Variants in ZNF99 observed in about 807,000 individuals in gnomAD.
ZNF99 encodes the protein zinc finger protein ENSP00000375192.
ZNF99 carries 8 observed loss-of-function variants against 12.8 expected under a neutral mutation model. The ratio of observed to expected loss-of-function variants is 0.62; its 90% CI spans 0.37 to 1.13. The LOEUF (loss-of-function observed/expected upper bound fraction) is 1.13, where lower values mean the gene tolerates loss of function less well. ZNF99 is among the 50% of genes most tolerant of loss of function. ZNF99 has a pLI of 0.02. For missense variants in ZNF99, 1,007 were observed against 1,006.2 expected (o/e 1.00, Z -0.01); for synonymous variants, 318 against 319.0 (o/e 1.00, Z 0.03).
At position 22,753,011 on chromosome 19, in the gene ZNF99, CTAA is replaced by C. The variant is rs1246713921; in HGVS notation, c.*4300_*4302del. 1 of 151,962 alleles carries C rather than the reference CTAA, an allele frequency of 6.6e-6. No homozygotes were observed. Among genetic ancestry groups the C allele is most frequent in the African/African-American group, 2.4e-5 (1 of 41,384 alleles). 9.4% of individuals were successfully genotyped at this position (151,962 alleles called of 1,614,324 possible). On this transcript the variant is annotated 3_prime_UTR_variant, in exon 4 of 4. Coordinates refer to ENST00000596209, the MANE Select transcript of ZNF99 (RefSeq NM_001080409.3). Reference sequence around the variant, plus strand: ...GAAAAAGGTCATAAATAATGCCCATCTAATAAAAAAGAATCTTTCATATCTCTG... The same window carrying C: ...GAAAAAGGTCATAAATAATGCCCATCTAAAAAAGAATCTTTCATATCTCTG...
intron 1 of ZNF99, among the ~76,000 whole-genome samples, chr19:22,781,957 A>C (rs1973392614): frequency 6.6e-6 from 1 of 152,184 alleles, no homozygotes; most frequent in Admixed American, 6.5e-5. Context: ...AGGAGGAAAA[A>C]AAAAAAGCGG....
chr19:22,771,354 C>G (rs1380008019), intron 1 of ZNF99, among the ~76,000 whole-genome samples: 1 of 137,938 alleles, frequency 7.2e-6, no homozygotes, highest in Admixed American at 8.2e-5. Context: ...CTCACGGATT[C>G]ACGCCATTCT....
intron 1 of ZNF99, chr19:22,770,025 A>C (rs1973249595): frequency 7.6e-7 from 1 of 1,322,350 alleles, no homozygotes; most frequent in Non-Finnish European, 1.0e-6. Context: ...GTGTACAATT[A>C]ACTGGAGATC....
At position 22,754,798 on chromosome 19, in the gene ZNF99, G is replaced by C. The variant is rs948923184; in HGVS notation, c.*2516C>G. The C allele has an allele frequency of 5.0e-6, 1 of 199,466 alleles. No homozygotes were observed. The highest frequency in any genetic ancestry group is 1.0e-5 in the Non-Finnish European group (1 of 97,620). The allele number at this position is 199,466 out of a possible 1,614,324, so 12.4% of individuals were successfully genotyped here. ...AGAATTGAAGAATTAGGCTGGGCAC[G>C]GTGGCTCACGCCTTTAATCCCAGCA... On this transcript the variant is annotated 3_prime_UTR_variant, in exon 4 of 4. Coordinates refer to ENST00000596209, the MANE Select transcript of ZNF99 (RefSeq NM_001080409.3).
chr19:22,766,231 C>T (rs1973202164), intron 3 of ZNF99, among the ~76,000 whole-genome samples: 1 of 145,122 alleles, frequency 6.9e-6, no homozygotes, highest in Admixed American at 6.8e-5. Flanking sequence ...CAAAGTGTGC[C>T]ACTACAAAAT....
chr19:22,769,196 A>T lies in ZNF99; in HGVS notation c.130+2T>A. ...GAATTGCTTAATTAAAATCATCCTCACCCAGGAAGACCAGGTTTCTGTAGT... is the reference window on the plus strand; with the variant it reads ...GAATTGCTTAATTAAAATCATCCTCTCCCAGGAAGACCAGGTTTCTGTAGT... On this transcript the variant is annotated splice_donor_variant, in intron 2 of 3. Coordinates refer to ENST00000596209, the MANE Select transcript of ZNF99 (RefSeq NM_001080409.3). LOFTEE classifies it high-confidence loss of function. The T allele has an allele frequency of 6.2e-7, 1 of 1,605,188 alleles. No individual in the cohort carries two copies. The highest frequency in any genetic ancestry group is 2.3e-5 in the East Asian group (1 of 44,392).
At chr19:22,769,119 C>A in intron 2 of ZNF99, 79 bp downstream of exon 2, 1 of 1,457,588 alleles carries the variant, frequency 6.9e-7, no homozygotes, top group Non-Finnish European at 9.2e-7. Context: ...AAGCATAAAT[C>A]ACCAAAACAC....
At chr19:22,769,122 C>A in intron 2 of ZNF99, 76 bp downstream of exon 2, 1 of 1,484,706 alleles carries the variant, frequency 6.7e-7, no homozygotes, top group East Asian at 2.5e-5. Flanking sequence ...CATAAATCAC[C>A]AAAACACATC....
chr19:22,768,513 A>G, intron 2 of ZNF99, 113 bp from the exon 3 acceptor site: 1 of 822,666 alleles, frequency 1.2e-6, no homozygotes, highest in East Asian at 3.0e-5. Flanking sequence ...ATACTAATTT[A>G]TAACATAAAT....
chr19:22,760,465 C>T (rs1435412243), intron 3 of ZNF99, among the ~76,000 whole-genome samples: 1 of 151,686 alleles, frequency 6.6e-6, no homozygotes, highest in Non-Finnish European at 1.5e-5. Flanking sequence ...CAGCTTGAGG[C>T]CGGGCACGGT....
chr19:22,757,956 A>T lies in ZNF99; in HGVS notation c.1953T>A (p.Cys651Ter), dbSNP rs753179225. 23 of 1,612,708 alleles carry T rather than the reference A, an allele frequency of 1.4e-5. No individual in the cohort carries two copies. Among genetic ancestry groups the T allele is most frequent in the Middle Eastern group, 3.3e-4 (2 of 6,056 alleles). The part of the protein sequence containing the change: ...IIHTGEKPYK[C>*]EECGKAFKWS... ...ACTTAAAAGCTTTACCACATTCTTC[A>T]CATTTGTAGGGTTTCTCTCCAGTAT... Residue 651 changes from cysteine (C) to a stop codon, truncating the protein, a stop_gained, in exon 4 of 4, where the codon TGT becomes TGA. Transcript: ENST00000596209. LOFTEE classifies it low-confidence loss of function (END_TRUNC).
At chr19:22,782,061 G>A (rs891122798) in intron 1 of ZNF99, among the ~76,000 whole-genome samples, 4 of 151,808 alleles carry the variant, frequency 2.6e-5, no homozygotes, top group African/African-American at 9.7e-5. Flanking sequence ...ATTATGAAAA[G>A]TACCATCCAA....
intron 1 of ZNF99, among the ~76,000 whole-genome samples, chr19:22,778,868 G>A (rs190836860): frequency 5.1e-4 from 78 of 152,160 alleles, no homozygotes; most frequent in Middle Eastern, 3.4e-3. Flanking sequence ...TTAGCTGGGC[G>A]TGGTGGTGCC....
chr19:22,760,825 A>G (rs552826587), intron 3 of ZNF99, among the ~76,000 whole-genome samples: 3 of 151,370 alleles, frequency 2.0e-5, no homozygotes, highest in East Asian at 3.9e-4. Context: ...CAGAGAATGT[A>G]GTACCACACA....
Position 22,759,509 on chromosome 19 carries a change from T to C in ZNF99, c.400A>G (p.Asn134Asp). 1 of 1,608,472 alleles carries C rather than the reference T, an allele frequency of 6.2e-7. No homozygotes were observed. Among genetic ancestry groups the C allele is most frequent in the Non-Finnish European group, 8.5e-7 (1 of 1,178,414 alleles). Residue 134 changes from asparagine to aspartate, a missense_variant, in exon 4 of 4, where the codon AAC becomes GAC. Coordinates refer to ENST00000596209, the MANE Select transcript of ZNF99 (RefSeq NM_001080409.3). ...CCCTGGGTAGTTGTCCAACATTGGT[T>C]AAGTTTATTATAAGCTTCTTCGTGC... The part of the protein sequence containing the change: ...KMHEEAYNKL[N>D]QCWTTTQGKI...
At chr19:22,767,629 C>T (rs1973218942) in intron 3 of ZNF99, among the ~76,000 whole-genome samples, 1 of 151,864 alleles carries the variant, frequency 6.6e-6, no homozygotes, top group African/African-American at 2.4e-5. Context: ...TAAATATTGA[C>T]ATAGGTGAAG....
chr19:22,760,503 G>C (rs1035083295), intron 3 of ZNF99, among the ~76,000 whole-genome samples: 1 of 152,148 alleles, frequency 6.6e-6, no homozygotes, highest in Non-Finnish European at 1.5e-5. Context: ...CCAGCACCTT[G>C]AGAGGCCTAG....
At chr19:22,760,467 G>A (rs892416377) in intron 3 of ZNF99, among the ~76,000 whole-genome samples, 13 of 152,220 alleles carry the variant, frequency 8.5e-5, no homozygotes, top group African/African-American at 3.1e-4. Context: ...GCTTGAGGCC[G>A]GGCACGGTGG....
intron 3 of ZNF99, among the ~76,000 whole-genome samples, chr19:22,765,658 G>C (rs1973195749): frequency 6.6e-6 from 1 of 151,230 alleles, no homozygotes; most frequent in East Asian, 2.0e-4. Context: ...GAAAGGTAAG[G>C]GTGTTCATCA....
Sources: allele counts gnomAD v4.1 joint callset (sites outside exome capture counted in the v4.1 genomes callset), GRCh38; gene constraint gnomAD v4.1.1; transcripts MANE v1.5; gene names NCBI Gene and HGNC (gene_info 2026-07-23, HGNC 2026-07-21).